Variants in APPL2 observed in about 807,000 individuals in gnomAD.
APPL2 encodes the protein adaptor protein, phosphotyrosine interacting with PH domain and leucine zipper 2.
APPL2 carries 84 observed loss-of-function variants against 92.7 expected under a neutral mutation model. The ratio of observed to expected loss-of-function variants is 0.91; its 90% CI spans 0.76 to 1.09. The LOEUF (loss-of-function observed/expected upper bound fraction) is 1.09. Ranked by LOEUF, APPL2 falls within the 50% of genes least tolerant of loss-of-function variation. The pLI is 0.00. For missense variants in APPL2, 736 were observed against 824.5 expected (o/e 0.89, Z 1.31); for synonymous variants, 291 against 291.0 (o/e 1.00, Z 0.00).
chr12:105,185,569 G>C (rs1041413117), intron 17 of APPL2, among the ~76,000 whole-genome samples: 2 of 151,800 alleles, frequency 1.3e-5, no homozygotes, highest in African/African-American at 4.8e-5. Context: ...GCCCTCCATA[G>C]GCTGTACCCA....
At position 105,236,034 on chromosome 12, in the gene APPL2, G is replaced by C; in HGVS notation, c.-22C>G. The C allele has an allele frequency of 2.0e-5, 25 of 1,239,442 alleles. No homozygotes were observed. Among genetic ancestry groups the C allele is most frequent in the Non-Finnish European group, 2.5e-5 (25 of 984,666 alleles). The allele number at this position is 1,239,442 out of a possible 1,614,324, so 76.8% of individuals were successfully genotyped here. A position where few individuals can be genotyped will look rare whatever the true frequency, so the allele number is the denominator to read the frequency against. Reference sequence around the variant, plus strand: ...GCATGGTGCGGCGCGGCTCAGCCGAGGGCTGGGTTGGAAGGACAGAGGGCA... The same window carrying C: ...GCATGGTGCGGCGCGGCTCAGCCGACGGCTGGGTTGGAAGGACAGAGGGCA... On this transcript the variant is annotated 5_prime_UTR_variant, in exon 1 of 21. Coordinates refer to ENST00000258530, the MANE Select transcript of APPL2 (RefSeq NM_018171.5).
intron 2 of APPL2, among the ~76,000 whole-genome samples, chr12:105,218,681 C>G (rs754525318): frequency 2.0e-5 from 3 of 152,158 alleles, no homozygotes; most frequent in Non-Finnish European, 2.9e-5. Flanking sequence ...TGCAGGCCCC[C>G]GGGGCCCAGG....
At chr12:105,204,702 G>C (rs1888551099) in intron 8 of APPL2, among the ~76,000 whole-genome samples, 1 of 152,090 alleles carries the variant, frequency 6.6e-6, no homozygotes, top group South Asian at 2.1e-4. Context: ...ATGTCATGGT[G>C]GCCTCCCTCT....
chr12:105,190,097 T>C lies in APPL2; in HGVS notation c.1300A>G (p.Thr434Ala). The change falls in exon 15 of 21, where the codon ACA becomes GCA. Residue 434 changes from threonine (T) to alanine (A), a missense_variant. Coordinates refer to ENST00000258530, the MANE Select transcript of APPL2 (RefSeq NM_018171.5). ...TCCTCTGCTTCAGGTAGACTGGCTG[T>C]TGCTTTGGGAACAATCTTGTCATTT... is the stretch of plus-strand genomic sequence containing the variant. ...NENDKIVPKA[T>A]ASLPEAEELI... 4 of 1,613,840 alleles carry C rather than the reference T, an allele frequency of 2.5e-6. No individual in the cohort carries two copies. Among genetic ancestry groups the C allele is most frequent in the Non-Finnish European group, 3.4e-6 (4 of 1,179,984 alleles).
chr12:105,222,090 G>A (rs1361614600), intron 2 of APPL2, among the ~76,000 whole-genome samples: 1 of 152,294 alleles, frequency 6.6e-6, no homozygotes, highest in South Asian at 2.1e-4. Flanking sequence ...GGTCGCACTA[G>A]TTCAGGAGCC....
chr12:105,212,705 T>C (rs1043377295), intron 4 of APPL2, among the ~76,000 whole-genome samples: 1 of 152,238 alleles, frequency 6.6e-6, no homozygotes, highest in African/African-American at 2.4e-5. Flanking sequence ...AGCAATCACT[T>C]TTGGATTCAA....
At chr12:105,211,160 AG>A (rs1446793837) in intron 5 of APPL2, 69 bp downstream of exon 5, 8 of 1,083,176 alleles carry the variant, frequency 7.4e-6, no homozygotes, top group Non-Finnish European at 1.1e-5. Context: ...AAAGAAATGC[AG>A]TAAGAATTAT....
At chr12:105,183,178 A>G (rs1451001035) in intron 17 of APPL2, among the ~76,000 whole-genome samples, 1 of 149,600 alleles carries the variant, frequency 6.7e-6, no homozygotes, top group Non-Finnish European at 1.5e-5. Context: ...TCTCCTGAAT[A>G]CAGCAAACTG....
chr12:105,220,356 T>C (rs1214935356), intron 2 of APPL2, among the ~76,000 whole-genome samples: 1 of 152,188 alleles, frequency 6.6e-6, no homozygotes, highest in Non-Finnish European at 1.5e-5. Context: ...AGAAATAACA[T>C]ATAAACAAGT....
intron 20 of APPL2, among the ~76,000 whole-genome samples, chr12:105,175,425 TA>T (rs1227143782): frequency 1.3e-5 from 2 of 152,204 alleles, no homozygotes; most frequent in Non-Finnish European, 2.9e-5. Flanking sequence ...GAGTTAAATT[TA>T]AAAATCCAGT....
intron 20 of APPL2, among the ~76,000 whole-genome samples, chr12:105,174,903 A>T (rs1410164616): frequency 7.6e-6 from 1 of 131,036 alleles, no homozygotes; most frequent in Non-Finnish European, 1.6e-5. Flanking sequence ...CGGCGGTTGG[A>T]GACAGAGTCT....
intron 10 of APPL2, 111 bp downstream of exon 10, chr12:105,199,262 G>A (rs987965969): frequency 7.6e-7 from 1 of 1,323,752 alleles, no homozygotes; most frequent in East Asian, 2.4e-5. Context: ...GTTCTTCCCA[G>A]TCTCACCCAC....
At chr12:105,192,473 C>T (rs1378046663) in intron 14 of APPL2, among the ~76,000 whole-genome samples, 1 of 151,560 alleles carries the variant, frequency 6.6e-6, no homozygotes, top group Non-Finnish European at 1.5e-5. Context: ...TCCCCACCCG[C>T]CCTCATCCTG....
intron 17 of APPL2, among the ~76,000 whole-genome samples, chr12:105,186,645 G>GATATCT: frequency 7.8e-6 from 1 of 128,166 alleles, no homozygotes; most frequent in South Asian, 2.6e-4. Context: ...TCATATATAT[G>GATATCT]ATATCGATAT....
At chr12:105,218,828 G>A (rs1481179436) in intron 2 of APPL2, among the ~76,000 whole-genome samples, 2 of 152,132 alleles carry the variant, frequency 1.3e-5, no homozygotes, top group African/African-American at 4.8e-5. Context: ...GAAAACCAGA[G>A]GAAACACTGC....
At position 105,208,096 on chromosome 12, in the gene APPL2, G is replaced by A. The variant is rs780179971; in HGVS notation, c.415+62C>T. The A allele has an allele frequency of 3.7e-6, 6 of 1,612,970 alleles. No homozygotes were observed. In the East Asian group the frequency reaches 8.9e-5, roughly 24 times the overall value. On this transcript the variant is annotated intron_variant, in intron 6 of 20. Transcript: ENST00000258530. ...TCGAAAGGGAAGAACATTCATTGGG[G>A]GTCTCCTCCCCGCCACAGTAAGCCC...
At chr12:105,182,706 G>A (rs146796106) in intron 17 of APPL2, among the ~76,000 whole-genome samples, 9 of 152,324 alleles carry the variant, frequency 5.9e-5, no homozygotes, top group South Asian at 2.1e-4. Context: ...TAAGTGTGAC[G>A]TGGTGCTGAG....
Position 105,177,211 on chromosome 12 carries a change from GTAT to G in APPL2, c.1671+12_1671+14del, listed in dbSNP as rs764085045. The G allele has an allele frequency of 1.2e-4, 187 of 1,613,340 alleles. No homozygotes were observed. The highest frequency in any genetic ancestry group is 1.5e-4 in the Non-Finnish European group (181 of 1,179,400). On this transcript the variant is annotated intron_variant, in intron 18 of 20. Coordinates refer to ENST00000258530, the MANE Select transcript of APPL2 (RefSeq NM_018171.5). ...AAGGAGTAATCACTAACATGAACCT[GTAT>G]GCGGTACTTACATTGGCCCTTGATA...
intron 17 of APPL2, among the ~76,000 whole-genome samples, chr12:105,182,544 G>C (rs1045253645): frequency 4.6e-5 from 7 of 152,332 alleles, no homozygotes; most frequent in African/African-American, 7.2e-5. Context: ...AGGTTGTTCA[G>C]TTTCCATGTA....
Sources: gnomAD v4.1 joint callset for allele counts (sites outside exome capture counted in the v4.1 genomes callset) on GRCh38, gnomAD v4.1.1 for gene constraint, MANE v1.5 for transcripts, NCBI Gene and HGNC (gene_info 2026-07-23, HGNC 2026-07-21) for gene names.